SASH1: variants seen among roughly 807,000 people sequenced by gnomAD.
The protein encoded by SASH1 is SAM and SH3 domain-containing protein 1.
A neutral mutation model predicts 125.2 loss-of-function variants in SASH1; 44 were observed. The observed-to-expected ratio is 0.35, with a 90% CI of 0.28 to 0.45. The LOEUF (loss-of-function observed/expected upper bound fraction) is 0.45. SASH1 is among the 20% of genes least tolerant of loss of function. The pLI, the probability that SASH1 is intolerant of heterozygous loss-of-function variation, is 1.00. For missense variants in SASH1, 1,426 were observed against 1,614.5 expected (o/e 0.88, Z 2.00); for synonymous variants, 639 against 649.1 (o/e 0.98, Z 0.24).
At chr6:148,247,293 A>C in the SASH1 span, among the ~76,000 whole-genome samples, 1 of 152,224 alleles carries the variant, frequency 6.6e-6, no homozygotes, top group African/African-American at 2.4e-5. Context: ...AGGCAGCCAC[A>C]ATGCAGCTAA....
chr6:148,443,695 G>A (rs991981445), intron 4 of SASH1, among the ~76,000 whole-genome samples: 6 of 151,768 alleles, frequency 4.0e-5, no homozygotes, highest in African/African-American at 1.5e-4. Flanking sequence ...TCTCCCAAGA[G>A]GTTTTGTGTT....
At position 148,548,630 on chromosome 6, in the gene SASH1, CCAT is replaced by C. The variant is rs1782712608; in HGVS notation, c.*77_*79del. On this transcript the variant is annotated 3_prime_UTR_variant, in exon 20 of 20. Coordinates refer to ENST00000367467, the MANE Select transcript of SASH1 (RefSeq NM_015278.5). ...TGCATATGATGCTGATGCAATTCCTCCATCATCTCTGGACGTGCAGACCAGATC... is the reference window on the plus strand; with the variant it reads ...TGCATATGATGCTGATGCAATTCCTCCATCTCTGGACGTGCAGACCAGATC... 6.7e-7 allele frequency: 1 copy of C among 1,482,946 alleles called. No homozygotes were observed. Among genetic ancestry groups the C allele is most frequent in the Admixed American group, 2.2e-5 (1 of 44,838 alleles). 91.9% of individuals were successfully genotyped at this position (1,482,946 alleles called of 1,614,324 possible).
At chr6:148,525,468 C>T in intron 11 of SASH1, 103 bp downstream of exon 11, 1 of 937,354 alleles carries the variant, frequency 1.1e-6, no homozygotes, top group Non-Finnish European at 1.7e-6. Flanking sequence ...GTACCGTTTT[C>T]CTTGGTAATC....
At chr6:148,329,502 G>A (rs1780927146) in intron 1 of SASH1, among the ~76,000 whole-genome samples, 1 of 152,182 alleles carries the variant, frequency 6.6e-6, no homozygotes, top group Non-Finnish European at 1.5e-5. Context: ...CCATATGTGA[G>A]AAACTCATTG....
intron 1 of SASH1, among the ~76,000 whole-genome samples, chr6:148,356,119 C>T (rs1781928322): frequency 1.4e-5 from 2 of 145,350 alleles, no homozygotes; most frequent in Admixed American, 1.4e-4. Flanking sequence ...GAGTCTTGCT[C>T]TATCCCCCAG....
chr6:148,238,891 C>A, the SASH1 span, among the ~76,000 whole-genome samples: 1 of 152,072 alleles, frequency 6.6e-6, no homozygotes, highest in African/African-American at 2.4e-5. Flanking sequence ...AAATAGCTCC[C>A]AAAAGTCACT....
At chr6:148,514,511 A>T (rs1780333843) in intron 9 of SASH1, 55 bp downstream of exon 9, 1 of 1,397,422 alleles carries the variant, frequency 7.2e-7, no homozygotes, top group African/African-American at 1.5e-5. Flanking sequence ...TGGTTATTCC[A>T]AAAGAAATCA....
the SASH1 span, among the ~76,000 whole-genome samples, chr6:148,238,635 C>T: frequency 1.3e-5 from 1 of 79,626 alleles, no homozygotes; most frequent in African/African-American, 5.5e-5. Flanking sequence ...TACACACACA[C>T]ACACACACAC....
chr6:148,301,344 A>G (rs1250945598), intron 1 of SASH1, among the ~76,000 whole-genome samples: 1 of 151,432 alleles, frequency 6.6e-6, no homozygotes, highest in Non-Finnish European at 1.5e-5. Context: ...AAAAAAAAAA[A>G]AAACTCTGCC....
rs1463923502 is a variant in SASH1 at position 148,310,731 on chromosome 6, A to G, written n.74+38354A>G. The stretch of plus-strand genomic sequence containing the variant: ...TAAAACGGGCAAAAGATTTAACAGA[A>G]CACATGAAAAGATACTCAACATAAT... On this transcript the variant is annotated intron_variant and non_coding_transcript_variant, in intron 1 of 3. Coordinates refer to the SASH1 transcript ENST00000367469. 3.3e-5 allele frequency among the ~76,000 whole-genome samples: 5 copies of G among 152,208 alleles called. No homozygotes were observed. In the East Asian group the frequency reaches 9.6e-4, roughly 29 times the overall value.
At chr6:148,251,472 A>G in the SASH1 span, among the ~76,000 whole-genome samples, 1 of 152,122 alleles carries the variant, frequency 6.6e-6, no homozygotes, top group African/African-American at 2.4e-5. Context: ...TGGCTAGGAG[A>G]AAATAGATGC....
Position 148,525,369 on chromosome 6 carries a change from A to G in SASH1, c.1284+4A>G, listed in dbSNP as rs1330580677. ...CAGTAATAATTCTGACCCAATGGTG[A>G]GTAACATCAGAGGAAAGCAAAAAAT... On this transcript the variant is annotated splice_donor_region_variant and intron_variant, in intron 11 of 19. Coordinates refer to ENST00000367467, the MANE Select transcript of SASH1 (RefSeq NM_015278.5). 2 of 1,611,488 alleles carry G rather than the reference A, an allele frequency of 1.2e-6. No individual in the cohort carries two copies. The highest frequency in any genetic ancestry group is 1.1e-5 in the South Asian group (1 of 91,032).
intron 9 of SASH1, among the ~76,000 whole-genome samples, chr6:148,516,338 C>A (rs1191820262): frequency 6.6e-6 from 1 of 152,064 alleles, no homozygotes; most frequent in African/African-American, 2.4e-5. Flanking sequence ...CTGCTTTGGG[C>A]TGCCCTCCAA....
At chr6:148,281,400 C>A (rs928858054) in intron 1 of SASH1, among the ~76,000 whole-genome samples, 1 of 152,136 alleles carries the variant, frequency 6.6e-6, no homozygotes, top group Non-Finnish European at 1.5e-5. Context: ...TTTATATCAC[C>A]TACACCCCTT....
At chr6:148,489,229 C>G (rs541734958) in intron 8 of SASH1, among the ~76,000 whole-genome samples, 85 of 152,184 alleles carry the variant, frequency 5.6e-4, no homozygotes, top group African/African-American at 1.9e-3. Flanking sequence ...AAAGACTGTC[C>G]TTTCCTCATT....
intron 2 of SASH1, among the ~76,000 whole-genome samples, chr6:148,426,145 G>A (rs1280852719): frequency 6.6e-6 from 1 of 152,146 alleles, no homozygotes; most frequent in Non-Finnish European, 1.5e-5. Context: ...GGAGGCGGAG[G>A]CTGCAGTGAG....
chr6:148,365,980 G>A (rs375220179), intron 1 of SASH1, among the ~76,000 whole-genome samples: 13 of 152,286 alleles, frequency 8.5e-5, no homozygotes, highest in African/African-American at 3.1e-4. Flanking sequence ...AGGCGTGGTG[G>A]CGTGCGCCTG....
chr6:148,507,049 A>G (rs1779839218), intron 8 of SASH1, among the ~76,000 whole-genome samples: 1 of 151,994 alleles, frequency 6.6e-6, no homozygotes, highest in Non-Finnish European at 1.5e-5. Context: ...GGGGAAGGGG[A>G]GTTTGTGGGA....
At chr6:148,206,007 T>C in the SASH1 span, among the ~76,000 whole-genome samples, 151 of 152,316 alleles carry the variant, frequency 9.9e-4, 2 homozygotes, top group South Asian at 0.013. Flanking sequence ...TTAGGCACTT[T>C]TGCCTTCAAG....
Sources: gnomAD v4.1 joint callset for allele counts (sites outside exome capture counted in the v4.1 genomes callset) on GRCh38, gnomAD v4.1.1 for gene constraint, MANE v1.5 for transcripts, NCBI Gene and HGNC (gene_info 2026-07-23, HGNC 2026-07-21) for gene names.